The following FHL5 variants were observed in gnomAD, a reference collection of about 807,000 sequenced individuals.
The protein encoded by FHL5 is four and a half LIM domains 5.
Under a neutral mutation model 32.0 loss-of-function variants are expected in FHL5, and 33 were observed. The ratio of observed to expected loss-of-function variants is 1.03; its 90% CI spans 0.78 to 1.38. FHL5 has a LOEUF of 1.38. Among genes scored for constraint, FHL5 ranks in the 40% most tolerant of loss-of-function variants. The probability of loss-of-function intolerance (pLI) is 0.00; values close to 1 mark genes in which losing one functional copy is unlikely to be tolerated. For synonymous variants in FHL5, 114 were observed against 113.6 expected (o/e 1.00, Z -0.02); for missense variants, 336 against 343.9 (o/e 0.98, Z 0.18).
intron 1 of FHL5, among the ~76,000 whole-genome samples, chr6:96,574,766 A>G (rs922748873): frequency 6.6e-6 from 1 of 152,206 alleles, no homozygotes; most frequent in Non-Finnish European, 1.5e-5. Context: ...ACTATTCCAA[A>G]TAATATATAT....
chr6:96,567,139 T>A (rs374221988), intron 1 of FHL5, among the ~76,000 whole-genome samples: 8 of 152,158 alleles, frequency 5.3e-5, no homozygotes, highest in African/African-American at 1.9e-4. Flanking sequence ...TTTAAGTTTT[T>A]AATCCATTTT....
At chr6:96,596,907 C>A (rs574142418) in intron 1 of FHL5, among the ~76,000 whole-genome samples, 3 of 152,018 alleles carry the variant, frequency 2.0e-5, no homozygotes, top group African/African-American at 7.2e-5. Flanking sequence ...TACCAGGAAC[C>A]GTATATGAAA....
chr6:96,572,870 A>G (rs1198092410), intron 1 of FHL5, among the ~76,000 whole-genome samples: 1 of 152,096 alleles, frequency 6.6e-6, no homozygotes, highest in Admixed American at 6.5e-5. Context: ...CTTATTCTCT[A>G]TGTAGCCATC....
At chr6:96,576,378 C>T (rs1001923224) in intron 1 of FHL5, among the ~76,000 whole-genome samples, 2 of 152,198 alleles carry the variant, frequency 1.3e-5, no homozygotes, top group Non-Finnish European at 1.5e-5. Context: ...CACAATTAGC[C>T]AGAGATAAAG....
chr6:96,608,363 A>G (rs1386228007), intron 4 of FHL5, among the ~76,000 whole-genome samples: 2 of 152,184 alleles, frequency 1.3e-5, no homozygotes, highest in African/African-American at 4.8e-5. Context: ...AGATTATGAC[A>G]TGCCAGATTA....
At chr6:96,571,153 A>G (rs1770467756) in intron 1 of FHL5, among the ~76,000 whole-genome samples, 2 of 151,886 alleles carry the variant, frequency 1.3e-5, no homozygotes, top group Admixed American at 1.3e-4. Context: ...TTCATAAAGA[A>G]AGTCTTTCAT....
chr6:96,566,514 A>G (rs1770361105), intron 1 of FHL5, among the ~76,000 whole-genome samples: 1 of 151,980 alleles, frequency 6.6e-6, no homozygotes, highest in Non-Finnish European at 1.5e-5. Context: ...TTGGATATAT[A>G]CCCAGTAGTG....
intron 1 of FHL5, among the ~76,000 whole-genome samples, chr6:96,595,358 T>C (rs1445579724): frequency 1.3e-5 from 2 of 151,862 alleles, no homozygotes; most frequent in Non-Finnish European, 2.9e-5. Context: ...TTAGACATTT[T>C]TTTTTCTCTT....
chr6:96,612,423 A>G (rs2127975850), intron 5 of FHL5, among the ~76,000 whole-genome samples: 1 of 152,368 alleles, frequency 6.6e-6, no homozygotes, highest in East Asian at 1.9e-4. Flanking sequence ...AATAAGTTTC[A>G]AAATTCTCTG....
intron 1 of FHL5, among the ~76,000 whole-genome samples, chr6:96,567,319 G>T (rs1348007406): frequency 6.6e-6 from 1 of 151,744 alleles, no homozygotes; most frequent in East Asian, 1.9e-4. Flanking sequence ...TTTATTTCTG[G>T]GTTCTCTATT....
intron 1 of FHL5, among the ~76,000 whole-genome samples, chr6:96,583,462 A>G: frequency 6.6e-6 from 1 of 152,126 alleles, no homozygotes; most frequent in East Asian, 1.9e-4. Context: ...AACATCATAG[A>G]TATCAATGGA....
chr6:96,612,988 T>A (rs976344543), intron 5 of FHL5, among the ~76,000 whole-genome samples: 1 of 152,166 alleles, frequency 6.6e-6, no homozygotes, highest in Non-Finnish European at 1.5e-5. Context: ...GGTCAAAGGA[T>A]ACACAATTTC....
chr6:96,603,734 T>C lies in FHL5; in HGVS notation c.121T>C (p.Cys41Arg), dbSNP rs768976309. The C allele has an allele frequency of 1.6e-5, 25 of 1,610,886 alleles. No homozygotes were observed. The highest frequency in any genetic ancestry group is 2.0e-5 in the Non-Finnish European group (24 of 1,178,900). The change falls in exon 2 of 6, where the codon TGC becomes CGC. Residue 41 changes from cysteine (C) to arginine (R), a missense_variant. Coordinates refer to ENST00000450218, the MANE Select transcript of FHL5 (RefSeq NM_001322466.2). ...TCYDRVFSNY[C>R]EECKKPIESD... ...TTATGATCGTGTATTTTCTAACTAT[T>C]GCGAGGAATGCAAAAAACCAATTGA...
At chr6:96,580,948 T>C (rs1175562150) in intron 1 of FHL5, among the ~76,000 whole-genome samples, 1 of 152,212 alleles carries the variant, frequency 6.6e-6, no homozygotes, top group Non-Finnish European at 1.5e-5. Flanking sequence ...CAGCTTCCAA[T>C]ACTATCCATG....
rs573242304 is a variant in FHL5, at chr6:96,604,930, G to C, written c.334+6G>C. 24 of 1,586,928 alleles carry C rather than the reference G, an allele frequency of 1.5e-5. No individual in the cohort carries two copies. In the South Asian group the frequency reaches 2.3e-4, roughly 15 times the overall value. On this transcript the variant is annotated splice_donor_region_variant and intron_variant, in intron 3 of 5. Coordinates refer to ENST00000450218, the MANE Select transcript of FHL5 (RefSeq NM_001322466.2). ...CAAGAGGACCATCATGCCTGGTAGG[G>C]TCTCAAGGGGGCTCCTGTCTCTAAC...
At chr6:96,597,934 G>C (rs546349248) in intron 1 of FHL5, among the ~76,000 whole-genome samples, 2 of 152,224 alleles carry the variant, frequency 1.3e-5, no homozygotes, top group African/African-American at 4.8e-5. Flanking sequence ...TCCATCAAAT[G>C]AGCATAATAA....
intron 1 of FHL5, among the ~76,000 whole-genome samples, chr6:96,588,079 G>A (rs527955566): frequency 6.6e-6 from 1 of 152,308 alleles, no homozygotes; most frequent in African/African-American, 2.4e-5. Context: ...TACACACTTA[G>A]GGGTGAAATT....
At chr6:96,596,125 C>T (rs1462029095) in intron 1 of FHL5, among the ~76,000 whole-genome samples, 1 of 151,932 alleles carries the variant, frequency 6.6e-6, no homozygotes, top group Non-Finnish European at 1.5e-5. Context: ...TTAGACCTTA[C>T]AGTTAGTATA....
intron 1 of FHL5, among the ~76,000 whole-genome samples, chr6:96,584,796 A>T (rs1197181323): frequency 6.6e-6 from 1 of 152,170 alleles, no homozygotes; most frequent in Non-Finnish European, 1.5e-5. Context: ...ATGTAAGCCA[A>T]TATGGTCCAC....
Sources: gnomAD v4.1 joint callset for allele counts (sites outside exome capture counted in the v4.1 genomes callset) on GRCh38, gnomAD v4.1.1 for gene constraint, MANE v1.5 for transcripts, NCBI Gene and HGNC (gene_info 2026-07-23, HGNC 2026-07-21) for gene names.